The following SGCZ variants were observed in gnomAD, a reference collection of about 807,000 sequenced individuals.
SGCZ encodes the protein sarcoglycan zeta.
Under a neutral mutation model 41.3 loss-of-function variants are expected in SGCZ, and 40 were observed. The ratio of observed to expected loss-of-function variants is 0.97; its 90% CI spans 0.75 to 1.26. The LOEUF (loss-of-function observed/expected upper bound fraction) is 1.26. SGCZ is among the 50% of genes most tolerant of loss of function. SGCZ has a pLI of 0.00. For missense variants in SGCZ, 552 were observed against 369.8 expected (o/e 1.49, Z -4.04); for synonymous variants, 206 against 137.5 (o/e 1.50, Z -3.49).
chr8:14,780,018 T>A (rs1341293360), intron 1 of SGCZ, among the ~76,000 whole-genome samples: 8 of 152,158 alleles, frequency 5.3e-5, no homozygotes, highest in Non-Finnish European at 1.2e-4. Flanking sequence ...TCAGAGTGCC[T>A]TTCTAACTTC....
chr8:14,176,650 C>G (rs1804551322), intron 4 of SGCZ, among the ~76,000 whole-genome samples: 1 of 152,100 alleles, frequency 6.6e-6, no homozygotes, highest in Admixed American at 6.6e-5. Context: ...CTCTCCCCCA[C>G]CAGGTTACTC....
chr8:14,195,331 A>G (rs1033646184), intron 4 of SGCZ, among the ~76,000 whole-genome samples: 7 of 152,118 alleles, frequency 4.6e-5, no homozygotes, highest in African/African-American at 1.7e-4. Flanking sequence ...TAGACATTAC[A>G]GCTGAAAATA....
At chr8:14,312,946 C>G (rs1801596165) in intron 3 of SGCZ, among the ~76,000 whole-genome samples, 1 of 150,538 alleles carries the variant, frequency 6.6e-6, no homozygotes, top group Non-Finnish European at 1.5e-5. Context: ...TTCCCTTCAC[C>G]TTCTTACTAA....
chr8:14,190,097 C>T (rs1213479972), intron 4 of SGCZ, among the ~76,000 whole-genome samples: 2 of 143,422 alleles, frequency 1.4e-5, no homozygotes, highest in Non-Finnish European at 3.0e-5. Context: ...GCTGCAAGCT[C>T]CGCCTCTGGG....
intron 1 of SGCZ, among the ~76,000 whole-genome samples, chr8:14,770,096 T>C (rs944340586): frequency 2.3e-4 from 35 of 149,950 alleles, no homozygotes; most frequent in African/African-American, 8.0e-4. Context: ...ATGAGGATAA[T>C]AGTATAATAA....
chr8:14,789,882 G>A lies in SGCZ; in HGVS notation c.40-234956C>T, dbSNP rs191344046. Among the ~76,000 whole-genome samples the A allele has an allele frequency of 6.9e-4, 105 of 151,834 alleles. 4 individuals carry two copies. Among genetic ancestry groups the A allele is most frequent in the Admixed American group, 5.0e-3 (76 of 15,240 alleles). Reference sequence around the variant, plus strand: ...ATGTATGTGTATTCCATTAATTTTCGCTTCTTCAATAAAATTTCAGGCCCA... The same window carrying A: ...ATGTATGTGTATTCCATTAATTTTCACTTCTTCAATAAAATTTCAGGCCCA... On this transcript the variant is annotated intron_variant, in intron 1 of 7. Coordinates refer to ENST00000382080, the MANE Select transcript of SGCZ (RefSeq NM_139167.4).
At chr8:14,937,351 C>G (rs1228435142) in intron 1 of SGCZ, among the ~76,000 whole-genome samples, 1 of 151,992 alleles carries the variant, frequency 6.6e-6, no homozygotes, top group African/African-American at 2.4e-5. Context: ...AAACTGAATT[C>G]TTATGAACAT....
chr8:15,092,068 C>T (rs1234663201), intron 1 of SGCZ, among the ~76,000 whole-genome samples: 1 of 152,086 alleles, frequency 6.6e-6, no homozygotes, highest in African/African-American at 2.4e-5. Flanking sequence ...AATTTTAAAG[C>T]ACTGTTGTTT....
intron 1 of SGCZ, among the ~76,000 whole-genome samples, chr8:15,196,929 A>G (rs1306627869): frequency 1.3e-5 from 2 of 152,154 alleles, no homozygotes; most frequent in Non-Finnish European, 2.9e-5. Context: ...GTTTTTCTTC[A>G]TGTGACCTCT....
At chr8:14,310,127 CTTTG>C (rs139021799) in intron 3 of SGCZ, among the ~76,000 whole-genome samples, 2,043 of 152,136 alleles carry the variant, frequency 0.013, 26 homozygotes, top group African/African-American at 0.027. Flanking sequence ...TAGCAATTTT[CTTTG>C]TTTCTTTTTA....
intron 4 of SGCZ, among the ~76,000 whole-genome samples, chr8:14,221,955 T>C (rs1806210350): frequency 1.3e-5 from 2 of 149,724 alleles, no homozygotes; most frequent in African/African-American, 4.9e-5. Context: ...AGTGAGACTC[T>C]GTCTCAAAAG....
intron 1 of SGCZ, among the ~76,000 whole-genome samples, chr8:14,883,720 G>T (rs910381847): frequency 6.7e-6 from 1 of 149,178 alleles, no homozygotes; most frequent in Non-Finnish European, 1.5e-5. Context: ...CTATGACTTT[G>T]ACCTGGCCTG....
intron 1 of SGCZ, among the ~76,000 whole-genome samples, chr8:14,750,263 G>C (rs1176830720): frequency 6.6e-6 from 1 of 151,912 alleles, no homozygotes; most frequent in East Asian, 1.9e-4. Context: ...ACCCAAGCAG[G>C]ATTTAACAAG....
chr8:14,122,410 C>A (rs1173888512), intron 5 of SGCZ, among the ~76,000 whole-genome samples: 2 of 152,070 alleles, frequency 1.3e-5, no homozygotes, highest in African/African-American at 4.8e-5. Context: ...ACAAATAATT[C>A]AATTTCAAGG....
At chr8:14,624,839 G>T (rs1036072079) in intron 1 of SGCZ, among the ~76,000 whole-genome samples, 8 of 151,842 alleles carry the variant, frequency 5.3e-5, no homozygotes, top group African/African-American at 1.9e-4. Flanking sequence ...CCAAAGTGCT[G>T]GGATTACAGG....
chr8:14,139,213 T>A (rs1260292742), intron 5 of SGCZ, among the ~76,000 whole-genome samples: 4 of 152,046 alleles, frequency 2.6e-5, no homozygotes, highest in Admixed American at 1.3e-4. Flanking sequence ...GGGAAATTTA[T>A]AGCACTAAAA....
At chr8:14,841,448 C>A (rs1028118622) in intron 1 of SGCZ, among the ~76,000 whole-genome samples, 2 of 152,126 alleles carry the variant, frequency 1.3e-5, no homozygotes, top group African/African-American at 4.8e-5. Flanking sequence ...AAAATTCTAT[C>A]CTTTCTGAGA....
intron 1 of SGCZ, among the ~76,000 whole-genome samples, chr8:14,946,005 CATAT>C (rs34647526): frequency 0.052 from 770 of 14,720 alleles, 26 homozygotes; most frequent in Middle Eastern, 0.12. Context: ...TAAATGTCCC[CATAT>C]ATATATATAT....
intron 1 of SGCZ, among the ~76,000 whole-genome samples, chr8:14,678,321 T>C (rs1808338806): frequency 6.6e-6 from 1 of 152,024 alleles, no homozygotes; most frequent in Non-Finnish European, 1.5e-5. Context: ...ACCAAAAATA[T>C]ACAGAGAACT....
Sources: allele counts gnomAD v4.1 joint callset (sites outside exome capture counted in the v4.1 genomes callset), GRCh38; gene constraint gnomAD v4.1.1; transcripts MANE v1.5; gene names NCBI Gene and HGNC (gene_info 2026-07-23, HGNC 2026-07-21).